SLC15A5: variants seen among roughly 807,000 people sequenced by gnomAD.
SLC15A5 encodes the protein solute carrier family 15 member 5, also known as Peptide/histidine transporter ENSP00000340402.
A neutral mutation model predicts 56.1 loss-of-function variants in SLC15A5; 58 were observed. The observed-to-expected ratio is 1.03, with a 90% CI of 0.84 to 1.29. The LOEUF is 1.29. Ranked by LOEUF, SLC15A5 falls within the 50% of genes most tolerant of loss-of-function variation. SLC15A5 has a pLI of 0.00. For missense variants in SLC15A5, 681 were observed against 672.1 expected (o/e 1.01, Z -0.15); for synonymous variants, 264 against 250.5 (o/e 1.05, Z -0.51).
At chr12:16,276,197 A>T (rs1864816997) in intron 1 of SLC15A5, among the ~76,000 whole-genome samples, 1 of 152,006 alleles carries the variant, frequency 6.6e-6, no homozygotes, top group South Asian at 2.1e-4. Context: ...CCACAGAACT[A>T]AAGCTGTGAA....
At chr12:16,222,690 A>G (rs1021371758) in intron 6 of SLC15A5, among the ~76,000 whole-genome samples, 22 of 152,186 alleles carry the variant, frequency 1.4e-4, no homozygotes, top group African/African-American at 4.8e-4. Context: ...AGTGATGTGT[A>G]GCACATGATC....
chr12:16,223,567 G>A (rs1054152592), intron 6 of SLC15A5, among the ~76,000 whole-genome samples: 2 of 151,990 alleles, frequency 1.3e-5, no homozygotes, highest in Non-Finnish European at 1.5e-5. Context: ...TTTTGAACCT[G>A]TCTTATGAAA....
At position 16,235,179 on chromosome 12, in the gene SLC15A5, TTTA is replaced by T. The variant is rs910919983; in HGVS notation, c.1162+4499_1162+4501del. 6.6e-6 allele frequency among the ~76,000 whole-genome samples: 1 copy of T among 151,470 alleles called. No homozygotes were observed. Among genetic ancestry groups the T allele is most frequent in the African/African-American group, 2.4e-5 (1 of 41,316 alleles). ...TTTAGGGTGGCATATGTTTTTTATT[TTTA>T]TTGTTTTCCCCTATTTGTGGCATGT... On this transcript the variant is annotated intron_variant, in intron 5 of 8. Transcript: ENST00000344941. This position sits in a 1 kb window ranked among gnomAD's most constrained non-coding sequence, Gnocchi z 4.1.
chr12:16,200,386 C>G (rs1863943109), intron 7 of SLC15A5, among the ~76,000 whole-genome samples: 1 of 151,550 alleles, frequency 6.6e-6, no homozygotes, highest in Non-Finnish European at 1.5e-5. Context: ...GTAATGAAAT[C>G]ATAAAAAAAT....
chr12:16,221,841 G>T (rs1175887946), intron 6 of SLC15A5, among the ~76,000 whole-genome samples: 1 of 152,006 alleles, frequency 6.6e-6, no homozygotes, highest in African/African-American at 2.4e-5. Flanking sequence ...ATATTTCAGA[G>T]TAAAAATGAG....
At chr12:16,209,465 A>G (rs1227078372) in intron 7 of SLC15A5, among the ~76,000 whole-genome samples, 2 of 152,126 alleles carry the variant, frequency 1.3e-5, no homozygotes, top group Admixed American at 6.6e-5. Context: ...TTTTTGTGCC[A>G]TAGAGTTTCA....
chr12:16,248,870 G>C (rs1402553887), intron 3 of SLC15A5, among the ~76,000 whole-genome samples: 1 of 152,086 alleles, frequency 6.6e-6, no homozygotes. Flanking sequence ...TTCAAGCTCT[G>C]GTTTAAATGT....
At chr12:16,225,604 A>G (rs1425355589) in intron 5 of SLC15A5, among the ~76,000 whole-genome samples, 1 of 152,246 alleles carries the variant, frequency 6.6e-6, no homozygotes, top group Non-Finnish European at 1.5e-5. Flanking sequence ...AAACAAATTT[A>G]CAAGAAAAAA....
At chr12:16,211,562 G>A (rs1864081564) in intron 7 of SLC15A5, among the ~76,000 whole-genome samples, 1 of 152,070 alleles carries the variant, frequency 6.6e-6, no homozygotes, top group African/African-American at 2.4e-5. Flanking sequence ...TAACTAAGAT[G>A]TCATTTTTTA....
At chr12:16,218,852 T>A (rs1246576385) in intron 6 of SLC15A5, among the ~76,000 whole-genome samples, 10 of 152,124 alleles carry the variant, frequency 6.6e-5, no homozygotes, top group Non-Finnish European at 1.3e-4. Context: ...GGTTTTTTGT[T>A]TGCTTGTTTG....
chr12:16,244,921 C>G, intron 3 of SLC15A5, 121 bp from the exon 4 acceptor site: 2 of 1,059,022 alleles, frequency 1.9e-6, no homozygotes, highest in East Asian at 5.2e-5. Context: ...GTTTTTAGCA[C>G]CCAAGGGGTC....
rs1280629219 is a variant in SLC15A5, at chr12:16,244,643, T to C, written c.912A>G (p.Thr304=). 6 of 1,537,496 alleles carry C rather than the reference T, an allele frequency of 3.9e-6. No homozygotes were observed. Among genetic ancestry groups the C allele is most frequent in the Non-Finnish European group, 5.2e-6 (6 of 1,147,032 alleles). ...CYSELHVEDT[T]FFLTLLPLFI... Reference sequence around the variant, plus strand: ...AGAGAGGGAGAAGGGTGAGGAAAAATGTTGTGTCTTCTACATGGAGCTCAC... The same window carrying C: ...AGAGAGGGAGAAGGGTGAGGAAAAACGTTGTGTCTTCTACATGGAGCTCAC... Residue 304 remains threonine, a synonymous_variant, in exon 4 of 9, where the codon ACA becomes ACG. Transcript: ENST00000344941.
chr12:16,258,990 C>CTT (rs35905307), intron 2 of SLC15A5, among the ~76,000 whole-genome samples: 54,197 of 117,430 alleles, frequency 0.46, 12,592 homozygotes, highest in Non-Finnish European at 0.53. Flanking sequence ...TCTTCTTTTT[C>CTT]TTTTTTTTTT....
At chr12:16,221,888 A>G (rs758563346) in intron 6 of SLC15A5, among the ~76,000 whole-genome samples, 4 of 152,050 alleles carry the variant, frequency 2.6e-5, no homozygotes, top group Non-Finnish European at 5.9e-5. Context: ...GGTGAGAGGA[A>G]AGAGATGGAT....
At chr12:16,199,368 A>ACACC (rs1186570917) in intron 7 of SLC15A5, among the ~76,000 whole-genome samples, 2 of 151,850 alleles carry the variant, frequency 1.3e-5, no homozygotes, top group African/African-American at 4.8e-5. Flanking sequence ...AGAGTAAGAG[A>ACACC]CACCCCCAGG....
intron 7 of SLC15A5, among the ~76,000 whole-genome samples, chr12:16,195,506 T>G (rs2136237890): frequency 6.6e-6 from 1 of 152,222 alleles, no homozygotes; most frequent in Middle Eastern, 3.4e-3. Context: ...TTGAATTTTT[T>G]TACTGTTATG....
chr12:16,256,512 A>G (rs1158563518), intron 3 of SLC15A5, among the ~76,000 whole-genome samples: 1 of 152,210 alleles, frequency 6.6e-6, no homozygotes, highest in Non-Finnish European at 1.5e-5. Flanking sequence ...GCAATTCACA[A>G]AATCCCGACT....
chr12:16,214,859 A>G (rs1211016320), intron 7 of SLC15A5, among the ~76,000 whole-genome samples: 1 of 152,148 alleles, frequency 6.6e-6, no homozygotes, highest in African/African-American at 2.4e-5. Context: ...GCAGCTTGTC[A>G]GAGGTGATGA....
At chr12:16,191,428 G>T (rs571875325) in intron 8 of SLC15A5, among the ~76,000 whole-genome samples, 1 of 151,982 alleles carries the variant, frequency 6.6e-6, no homozygotes, top group East Asian at 1.9e-4. Context: ...GAATAAGTTG[G>T]GACTGCCTTG....
Sources: gnomAD v4.1 joint callset for allele counts (sites outside exome capture counted in the v4.1 genomes callset) on GRCh38, gnomAD v4.1.1 for gene constraint, Gnocchi (gnomAD v3.1) non-coding constraint, MANE v1.5 for transcripts, NCBI Gene and HGNC (gene_info 2026-07-23, HGNC 2026-07-21) for gene names.